The following DGKB variants were observed in gnomAD, a reference collection of about 807,000 sequenced individuals.
DGKB encodes 90 kDa diacylglycerol kinase.
DGKB carries 67 observed loss-of-function variants against 114.3 expected under a neutral mutation model. The ratio of observed to expected loss-of-function variants is 0.59; its 90% CI spans 0.48 to 0.72. DGKB has a LOEUF of 0.72. Among genes scored for constraint, DGKB ranks in the 30% least tolerant of loss-of-function variants. The pLI is 0.00. For synonymous variants in DGKB, 398 were observed against 323.1 expected (o/e 1.23, Z -2.49); for missense variants, 907 against 975.2 (o/e 0.93, Z 0.93).
intron 17 of DGKB, among the ~76,000 whole-genome samples, chr7:14,592,228 T>C (rs901181832): frequency 6.6e-6 from 1 of 151,976 alleles, no homozygotes; most frequent in African/African-American, 2.4e-5. Flanking sequence ...TATACATATT[T>C]ACATCTCTTT....
intron 23 of DGKB, among the ~76,000 whole-genome samples, chr7:14,293,973 T>C (rs1802142202): frequency 6.6e-6 from 1 of 152,220 alleles, no homozygotes; most frequent in Non-Finnish European, 1.5e-5. Flanking sequence ...CTTATCTTTT[T>C]GTTCTGGAGT....
At chr7:14,346,915 C>G (rs1032772751) in intron 21 of DGKB, among the ~76,000 whole-genome samples, 8 of 151,944 alleles carry the variant, frequency 5.3e-5, no homozygotes, top group African/African-American at 1.9e-4. Flanking sequence ...TTGGAATAGT[C>G]TTTCTATATT....
chr7:14,190,142 T>A lies in DGKB; in HGVS notation c.2123-11991A>T, dbSNP rs907933577. ...GGAACGTTCTCCAGGATGAATCACA[T>A]ATTAGGCCACAAAATAAATCTCAAC... On this transcript the variant is annotated intron_variant, in intron 23 of 25. Coordinates refer to ENST00000402815, the MANE Select transcript of DGKB (RefSeq NM_001350709.2). Among the ~76,000 whole-genome samples, 3 of 152,286 alleles carry A rather than the reference T, an allele frequency of 2.0e-5. No individual in the cohort carries two copies. In the East Asian group the frequency reaches 5.8e-4, roughly 29 times the overall value.
intron 23 of DGKB, among the ~76,000 whole-genome samples, chr7:14,196,362 C>T (rs1021516542): frequency 3.3e-5 from 5 of 152,042 alleles, no homozygotes; most frequent in South Asian, 2.1e-4. Flanking sequence ...AAACAGACTG[C>T]GGGCAGATTG....
rs1283805407 is a variant in DGKB at position 14,411,339 on chromosome 7, C to T, written c.1836-65948G>A. Reference sequence around the variant, plus strand: ...TCAAGTTACAATGGATTTGTCAGGACGTAAACCCATTGTAAGTCAAGGAGC... The same window carrying T: ...TCAAGTTACAATGGATTTGTCAGGATGTAAACCCATTGTAAGTCAAGGAGC... On this transcript the variant is annotated intron_variant, in intron 21 of 25. Coordinates refer to ENST00000402815, the MANE Select transcript of DGKB (RefSeq NM_001350709.2). 6.6e-5 allele frequency among the ~76,000 whole-genome samples: 10 copies of T among 152,238 alleles called. No homozygotes were observed. The South Asian group carries it at 1.4e-3, about 22-fold the overall frequency.
At chr7:14,888,306 G>C (rs983396) in intron 1 of DGKB, among the ~76,000 whole-genome samples, 47,487 of 151,404 alleles carry the variant, frequency 0.31, 9,431 homozygotes, top group Non-Finnish European at 0.44. Context: ...CTAAACACAC[G>C]GGTTCTTTTC....
chr7:14,379,360 G>C (rs530993402), intron 21 of DGKB, among the ~76,000 whole-genome samples: 1 of 150,696 alleles, frequency 6.6e-6, no homozygotes, highest in South Asian at 2.1e-4. Flanking sequence ...GAAATTCTAG[G>C]ATGAAATCCA....
At chr7:14,534,831 T>G (rs1792163204) in intron 20 of DGKB, among the ~76,000 whole-genome samples, 1 of 152,214 alleles carries the variant, frequency 6.6e-6, no homozygotes, top group African/African-American at 2.4e-5. Context: ...AGAAGATTGA[T>G]TATTTCAAGT....
chr7:14,459,305 G>A (rs1480247169), intron 21 of DGKB, among the ~76,000 whole-genome samples: 4 of 152,092 alleles, frequency 2.6e-5, no homozygotes, highest in Non-Finnish European at 5.9e-5. Context: ...CCTGCTTGCT[G>A]GCTCTGAAGA....
At chr7:14,939,187 C>A (rs1378405438) in intron 1 of DGKB, among the ~76,000 whole-genome samples, 3 of 151,862 alleles carry the variant, frequency 2.0e-5, no homozygotes, top group African/African-American at 7.3e-5. Context: ...AGTATGTACC[C>A]AATAAATATC....
chr7:14,533,283 A>T (rs2128598621), intron 20 of DGKB, among the ~76,000 whole-genome samples: 1 of 151,938 alleles, frequency 6.6e-6, no homozygotes, highest in Non-Finnish European at 1.5e-5. Flanking sequence ...AACAAAGAAC[A>T]GTAGATTCAA....
At chr7:14,956,974 A>C (rs1786543497) in intron 1 of DGKB, among the ~76,000 whole-genome samples, 6 of 151,826 alleles carry the variant, frequency 4.0e-5, no homozygotes. Context: ...TCCATTGCAG[A>C]GGAATTGAAA....
At chr7:14,539,432 C>T (rs1009312265) in intron 20 of DGKB, among the ~76,000 whole-genome samples, 3 of 151,900 alleles carry the variant, frequency 2.0e-5, no homozygotes, top group Non-Finnish European at 4.4e-5. Context: ...ATCAATATGG[C>T]AAAAATAAAA....
chr7:14,537,931 T>C (rs1254446562), intron 20 of DGKB, among the ~76,000 whole-genome samples: 2 of 151,768 alleles, frequency 1.3e-5, no homozygotes, highest in Non-Finnish European at 2.9e-5. Flanking sequence ...TAATACAAAA[T>C]TAGCCAGGCG....
intron 1 of DGKB, among the ~76,000 whole-genome samples, chr7:14,849,652 C>T (rs879716408): frequency 6.6e-6 from 1 of 152,112 alleles, no homozygotes; most frequent in Non-Finnish European, 1.5e-5. Flanking sequence ...CCTTTGATAA[C>T]AGGACACATT....
At chr7:14,509,583 G>A (rs1787659865) in intron 20 of DGKB, among the ~76,000 whole-genome samples, 1 of 152,190 alleles carries the variant, frequency 6.6e-6, no homozygotes, top group Non-Finnish European at 1.5e-5. Context: ...AATGACTCAC[G>A]AGTTCTCCTT....
chr7:14,198,853 A>G (rs1051808165), intron 23 of DGKB, among the ~76,000 whole-genome samples: 4 of 151,950 alleles, frequency 2.6e-5, no homozygotes, highest in Non-Finnish European at 4.4e-5. Context: ...GGATAGGGGG[A>G]ACCTGGAAGG....
At chr7:14,828,308 A>G (rs1845967539) in intron 2 of DGKB, among the ~76,000 whole-genome samples, 3 of 152,252 alleles carry the variant, frequency 2.0e-5, no homozygotes, top group South Asian at 4.1e-4. Context: ...TGTGATTTCC[A>G]TTAATTCAAA....
intron 5 of DGKB, among the ~76,000 whole-genome samples, chr7:14,734,459 T>A (rs539168061): frequency 6.6e-6 from 1 of 152,258 alleles, no homozygotes; most frequent in African/African-American, 2.4e-5. Flanking sequence ...ATAATTTTCA[T>A]AACGGTATTA....
Sources: allele counts gnomAD v4.1 joint callset (sites outside exome capture counted in the v4.1 genomes callset), GRCh38; gene constraint gnomAD v4.1.1; transcripts MANE v1.5; gene names NCBI Gene and HGNC (gene_info 2026-07-23, HGNC 2026-07-21).